Variants in TGOLN2 observed in about 807,000 individuals in gnomAD.
TGOLN2 encodes the protein trans-Golgi network integral membrane protein 2.
TGOLN2 carries 19 observed loss-of-function variants against 31.3 expected under a neutral mutation model. The observed-to-expected ratio is 0.61, with a 90% CI of 0.42 to 0.89. The LOEUF is 0.89. Ranked by LOEUF, TGOLN2 falls within the 40% of genes least tolerant of loss-of-function variation. TGOLN2 has a pLI of 0.00. For missense variants in TGOLN2, 540 were observed against 559.2 expected, an observed-to-expected ratio of 0.97 and a Z score of 0.35; for synonymous variants, 222 against 226.7, an observed-to-expected ratio of 0.98 and a Z score of 0.19.
At chr2:85,327,788 G>A in intron 1 of TGOLN2, 103 bp from the exon 2 acceptor site, 1 of 1,482,284 alleles carries the variant, frequency 6.7e-7, no homozygotes, top group Non-Finnish European at 9.2e-7. Flanking sequence ...GGGATTGGGG[G>A]GTGGGGCGGG....
chr2:85,327,900 G>T lies in TGOLN2; in HGVS notation c.46+17C>A. ...GGATCTGGGGGCAAGAGTGGGATGC[G>T]GGATGGAGGGTCTTACCCGCCGCTG... On this transcript the variant is annotated intron_variant, in intron 1 of 3. Transcript: ENST00000377386. 1 of 1,596,394 alleles carries T rather than the reference G, an allele frequency of 6.3e-7. No homozygotes were observed. The highest frequency in any genetic ancestry group is 8.5e-7 in the Non-Finnish European group (1 of 1,171,530).
Position 85,327,904 on chromosome 2 carries a change from T to A in TGOLN2, c.46+13A>T. ...CTGGGGGCAAGAGTGGGATGCGGGA[T>A]GGAGGGTCTTACCCGCCGCTGCGAC... On this transcript the variant is annotated intron_variant, in intron 1 of 3. Coordinates refer to ENST00000377386, the MANE Select transcript of TGOLN2 (RefSeq NM_006464.4). 1 of 1,595,796 alleles carries A rather than the reference T, an allele frequency of 6.3e-7. No homozygotes were observed. The highest frequency in any genetic ancestry group is 8.5e-7 in the Non-Finnish European group (1 of 1,171,264).
At position 85,327,298 on chromosome 2, in the gene TGOLN2, T is replaced by C; in HGVS notation, c.434A>G (p.Gln145Arg). 6.2e-7 allele frequency: 1 copy of C among 1,611,204 alleles called. No homozygotes were observed. Among genetic ancestry groups the C allele is most frequent in the Non-Finnish European group, 8.5e-7 (1 of 1,178,016 alleles). The change falls in exon 2 of 4, where the codon CAG (glutamine) becomes CGG (arginine). Residue 145 changes from glutamine to arginine, a missense_variant. By Grantham distance (43) the Gln-to-Arg change is conservative. Transcript: ENST00000377386. ...CCTGTTGGGGCTGTCTTCTGGGGTC[T>C]GCGCCTCCGCACCCGATTTGCCAGT... Reference protein sequence around the residue: ...DSTGKSGAEAQTPEDSPNRSG... With the variant: ...DSTGKSGAEARTPEDSPNRSG...
rs145317394 is a variant in TGOLN2 at position 85,325,319 on chromosome 2, A to G, written c.1225-321T>C. Among the ~76,000 whole-genome samples the G allele has an allele frequency of 5.3e-5, 8 of 152,310 alleles. No homozygotes were observed. In the East Asian group the frequency reaches 1.5e-3, roughly 29 times the overall value. ...CAACTCCTTCCTAGAGATATCTAGG[A>G]TATAGGACATTCCTTTAAAAAAAGT... On this transcript the variant is annotated intron_variant, in intron 2 of 3. Transcript: ENST00000377386.
Position 85,321,265 on chromosome 2 carries a change from T to A in TGOLN2, c.*1471A>T, listed in dbSNP as rs1462480857. ...AGTACAGAGAATGACCCAAGAAGGG[T>A]AGGAGTTCATTCCTTACCTTCATAA... On this transcript the variant is annotated 3_prime_UTR_variant, in exon 4 of 4. Coordinates refer to ENST00000377386, the MANE Select transcript of TGOLN2 (RefSeq NM_006464.4). The A allele has an allele frequency of 4.6e-5, 7 of 152,620 alleles. No individual in the cohort carries two copies. The East Asian group carries it at 1.2e-3, about 25-fold the overall frequency. 9.5% of individuals were successfully genotyped at this position (152,620 alleles called of 1,614,324 possible). A position where few individuals can be genotyped will look rare whatever the true frequency, so the allele number is the denominator to read the frequency against.
At chr2:85,323,281 A>G (rs1052075314) in intron 3 of TGOLN2, among the ~76,000 whole-genome samples, 28 of 152,214 alleles carry the variant, frequency 1.8e-4, no homozygotes, top group Admixed American at 1.4e-3. Flanking sequence ...TTTAAAAATC[A>G]TAAGCCATGT....
chr2:85,327,829 T>C, intron 1 of TGOLN2, 88 bp downstream of exon 1: 2 of 1,529,208 alleles, frequency 1.3e-6, no homozygotes, highest in African/African-American at 1.4e-5. Context: ...GTGGGTCGGG[T>C]AGGGAAGAAG....
At chr2:85,324,815 G>T in intron 3 of TGOLN2, 100 bp downstream of exon 3, 1 of 1,074,302 alleles carries the variant, frequency 9.3e-7, no homozygotes, top group Non-Finnish European at 1.4e-6. Flanking sequence ...CCCAGAATCA[G>T]CCACTGCTGC....
chr2:85,323,289 T>C (rs895691914), intron 3 of TGOLN2, among the ~76,000 whole-genome samples: 2 of 151,898 alleles, frequency 1.3e-5, no homozygotes, highest in Non-Finnish European at 2.9e-5. Flanking sequence ...TCATAAGCCA[T>C]GTGTGGTGGC....
Position 85,326,849 on chromosome 2 carries a change from T to G in TGOLN2, c.883A>C (p.Lys295Gln), listed in dbSNP as rs775697175. The G allele has an allele frequency of 6.2e-7, 1 of 1,613,938 alleles. No individual in the cohort carries two copies. The highest frequency in any genetic ancestry group is 1.3e-5 in the African/African-American group (1 of 74,938). ...DKGKLSPHAF[K>Q]TESGEETDLI... ...TCAGTTTCCTCCCCAGATTCGGTTTTGAAAGCATGAGGAGAAAGCTTCCCT... is the reference window on the plus strand; with the variant it reads ...TCAGTTTCCTCCCCAGATTCGGTTTGGAAAGCATGAGGAGAAAGCTTCCCT... Residue 295 changes from lysine to glutamine, a missense_variant, in exon 2 of 4, where the codon AAA becomes CAA. Lys to Gln is a moderately conservative substitution (Grantham distance 53). Transcript: ENST00000377386.
rs990597590 is a variant in TGOLN2, at chr2:85,318,975, C to G, written c.*3761G>C. 2 of 152,192 alleles carry G rather than the reference C, an allele frequency of 1.3e-5. No homozygotes were observed. Among genetic ancestry groups the G allele is most frequent in the Non-Finnish European group, 2.9e-5 (2 of 68,040 alleles). 9.4% of individuals were successfully genotyped at this position (152,192 alleles called of 1,614,324 possible). The stretch of plus-strand genomic sequence containing the variant: ...AAAGCTGGGCGCAGAAAGGGAAGCC[C>G]TTAGCTGACTATAGGAGGTGCCTCT... On this transcript the variant is annotated 3_prime_UTR_variant, in exon 4 of 4. Transcript: ENST00000377386.
At chr2:85,327,790 T>TGGGGGGG in intron 1 of TGOLN2, 105 bp from the exon 2 acceptor site, 5 of 345,596 alleles carry the variant, frequency 1.4e-5, no homozygotes, top group Non-Finnish European at 2.3e-5. Flanking sequence ...GATTGGGGGG[T>TGGGGGGG]GGGGCGGGAG....
Position 85,327,615 on chromosome 2 carries a change from G to T in TGOLN2, c.117C>A (p.Asn39Lys). 6.2e-7 allele frequency: 1 copy of T among 1,614,062 alleles called. No homozygotes were observed. Among genetic ancestry groups the T allele is most frequent in the Non-Finnish European group, 8.5e-7 (1 of 1,179,908 alleles). ...EEAGVRPSAGNVSTHPSLSQR... is the reference protein window; with the variant it reads ...EEAGVRPSAGKVSTHPSLSQR... The stretch of plus-strand genomic sequence containing the variant: ...GGCTCAAGCTGGGGTGGGTGGAGAC[G>T]TTTCCTGCAGAAGGCCGTACTCCAG... The change falls in exon 2 of 4, where the codon AAC (asparagine) becomes AAA (lysine). Residue 39 changes from asparagine (N) to lysine (K), a missense_variant. Asn to Lys is a moderately conservative substitution (Grantham distance 94). Coordinates refer to ENST00000377386, the MANE Select transcript of TGOLN2 (RefSeq NM_006464.4).
Position 85,319,554 on chromosome 2 carries a change from T to C in TGOLN2, c.*3182A>G, listed in dbSNP as rs1466418514. 2.0e-5 allele frequency: 3 copies of C among 152,340 alleles called. No individual in the cohort carries two copies. The East Asian group carries it at 5.8e-4, about 29-fold the overall frequency. The allele number at this position is 152,340 out of a possible 1,614,324, so 9.4% of individuals were successfully genotyped here. A position where few individuals can be genotyped will look rare whatever the true frequency, so the allele number is the denominator to read the frequency against. On this transcript the variant is annotated 3_prime_UTR_variant, in exon 4 of 4. Transcript: ENST00000377386. ...ACAAGCAATGATACTTCTCAGAGTC[T>C]GCTCAAAAGCTCAGCTCTGTGGACT... is the stretch of plus-strand genomic sequence containing the variant.
Position 85,322,525 on chromosome 2 carries a change from C to T in TGOLN2, c.*211G>A. On this transcript the variant is annotated 3_prime_UTR_variant, in exon 4 of 4. Coordinates refer to ENST00000377386, the MANE Select transcript of TGOLN2 (RefSeq NM_006464.4). ...CAAAGTGCAGGTGCAAAGCCCAAAG[C>T]AGCCCCCTACCTCTGCCAGCCCAGA... The T allele has an allele frequency of 1.1e-6, 1 of 948,196 alleles. No individual in the cohort carries two copies. Among genetic ancestry groups the T allele is most frequent in the South Asian group, 1.6e-5 (1 of 61,914 alleles). The allele number at this position is 948,196 out of a possible 1,614,324, so 58.7% of individuals were successfully genotyped here. A position where few individuals can be genotyped will look rare whatever the true frequency, so the allele number is the denominator to read the frequency against.
Position 85,327,046 on chromosome 2 carries a change from T to C in TGOLN2, c.686A>G (p.Gln229Arg), listed in dbSNP as rs1573050566. Residue 229 changes from glutamine to arginine, a missense_variant, in exon 2 of 4, where the codon CAG (glutamine) becomes CGG (arginine). Transcript: ENST00000377386. ...CTTGCTGGGCCCGTCTATTGGGCCC[T>C]GCTCCTCTGCACCGGACTTGTTAGA... ...DGSNKSGAEE[Q>R]GPIDGPSKSG... The C allele has an allele frequency of 1.2e-6, 2 of 1,613,706 alleles. No individual in the cohort carries two copies. The highest frequency in any genetic ancestry group is 1.7e-6 in the Non-Finnish European group (2 of 1,179,762).
Position 85,322,720 on chromosome 2 carries a change from G to T in TGOLN2, c.*16C>A. 1 of 1,611,416 alleles carries T rather than the reference G, an allele frequency of 6.2e-7. No individual in the cohort carries two copies. The highest frequency in any genetic ancestry group is 8.5e-7 in the Non-Finnish European group (1 of 1,179,400). ...TTGGTGACGTTCATCTTTTTCCAGA[G>T]GAATATACCATTCTGTTAGGACTTA... On this transcript the variant is annotated 3_prime_UTR_variant, in exon 4 of 4. Coordinates refer to ENST00000377386, the MANE Select transcript of TGOLN2 (RefSeq NM_006464.4).
intron 3 of TGOLN2, among the ~76,000 whole-genome samples, chr2:85,323,303 C>T (rs1008931559): frequency 6.6e-6 from 1 of 152,134 alleles, no homozygotes; most frequent in Non-Finnish European, 1.5e-5. Flanking sequence ...TGGTGGCTCA[C>T]GCCTGTAATC....
chr2:85,319,190 T>C lies in TGOLN2; in HGVS notation c.*3546A>G, dbSNP rs1368701453. The stretch of plus-strand genomic sequence containing the variant: ...ATGCTATTTCTTTCTTTTTTTTTTT[T>C]TTTTTTGAGACGGAGTCTCGCTCTA... On this transcript the variant is annotated 3_prime_UTR_variant, in exon 4 of 4. Transcript: ENST00000377386. The C allele has an allele frequency of 1.3e-5, 2 of 151,044 alleles. No homozygotes were observed. Among genetic ancestry groups the C allele is most frequent in the Non-Finnish European group, 3.0e-5 (2 of 67,644 alleles). The allele number at this position is 151,044 out of a possible 1,614,324, so 9.4% of individuals were successfully genotyped here. A position where few individuals can be genotyped will look rare whatever the true frequency, so the allele number is the denominator to read the frequency against.
Sources: allele counts gnomAD v4.1 joint callset (sites outside exome capture counted in the v4.1 genomes callset), GRCh38; gene constraint gnomAD v4.1.1; transcripts MANE v1.5; gene names NCBI Gene and HGNC (gene_info 2026-07-23, HGNC 2026-07-21).